CTTNBP2: variants seen among roughly 807,000 people sequenced by gnomAD.
The protein encoded by CTTNBP2 is cortactin-binding protein 2.
CTTNBP2 carries 108 observed loss-of-function variants against 156.9 expected under a neutral mutation model. The observed-to-expected ratio is 0.69, with a 90% CI of 0.59 to 0.81. CTTNBP2 has a LOEUF of 0.81. Ranked by LOEUF, CTTNBP2 falls within the 30% of genes least tolerant of loss-of-function variation. The pLI is 0.00. For missense variants in CTTNBP2, 1,924 were observed against 2,035.4 expected (o/e 0.95, Z 1.05); for synonymous variants, 767 against 751.8 (o/e 1.02, Z -0.33).
chr7:117,846,694 T>C (rs997790229), intron 2 of CTTNBP2, among the ~76,000 whole-genome samples: 5 of 152,184 alleles, frequency 3.3e-5, no homozygotes, highest in African/African-American at 1.2e-4. Context: ...AAAACTGTTA[T>C]AAACTCAACT....
intron 8 of CTTNBP2, among the ~76,000 whole-genome samples, chr7:117,768,192 T>A (rs1465299252): frequency 6.6e-6 from 1 of 152,120 alleles, no homozygotes; most frequent in Non-Finnish European, 1.5e-5. Flanking sequence ...CCTTTTCTTA[T>A]CTTTCTGTAG....
chr7:117,873,267 T>TG lies in CTTNBP2; in HGVS notation c.81+67dup, dbSNP rs988299801. 6.0e-5 allele frequency: 72 copies of TG among 1,200,700 alleles called. No homozygotes were observed. The African/African-American group carries it at 1.1e-3, about 18-fold the overall frequency. The allele number at this position is 1,200,700 out of a possible 1,614,324, so 74.4% of individuals were successfully genotyped here. Reference sequence around the variant, plus strand: ...CCGGGGGTGCGAAGTCGGGTCCGGCTGGGACCCCGGCGCCGCCCCCGGCCC... The same window carrying TG: ...CCGGGGGTGCGAAGTCGGGTCCGGCTGGGGACCCCGGCGCCGCCCCCGGCCC... On this transcript the variant is annotated intron_variant, in intron 1 of 22. Coordinates refer to ENST00000160373, the MANE Select transcript of CTTNBP2 (RefSeq NM_033427.3).
intron 1 of CTTNBP2, chr7:117,871,876 C>CA: frequency 6.3e-5 from 15 of 238,478 alleles, no homozygotes; most frequent in East Asian, 1.0e-3. Flanking sequence ...ACACACACAC[C>CA]CTCTTTCTTT....
At position 117,792,876 on chromosome 7, in the gene CTTNBP2, A is replaced by G. The variant is rs1014342910; in HGVS notation, c.415-95T>C. On this transcript the variant is annotated intron_variant, in intron 3 of 22. Transcript: ENST00000160373. This position sits in a 1 kb window ranked among gnomAD's most constrained non-coding sequence, Gnocchi z 4.2. ...GTGAGATTTTTATTAATTTTCTAAC[A>G]ATTACATAACTCGGGTTAGCAAAAA... 3.3e-6 allele frequency: 3 copies of G among 906,476 alleles called. No homozygotes were observed. The highest frequency in any genetic ancestry group is 3.6e-5 in the Admixed American group (1 of 28,144). 56.2% of individuals were successfully genotyped at this position (906,476 alleles called of 1,614,324 possible). A position where few individuals can be genotyped will look rare whatever the true frequency, so the allele number is the denominator to read the frequency against.
intron 2 of CTTNBP2, among the ~76,000 whole-genome samples, chr7:117,828,346 C>A (rs530380183): frequency 1.3e-5 from 2 of 152,218 alleles, no homozygotes; most frequent in East Asian, 3.9e-4. Flanking sequence ...TGTGTGCCCC[C>A]CAGATGGGTG....
intron 6 of CTTNBP2, among the ~76,000 whole-genome samples, chr7:117,781,513 G>T (rs953723929): frequency 6.6e-6 from 1 of 152,172 alleles, no homozygotes; most frequent in Non-Finnish European, 1.5e-5. Context: ...GGCTGAGGGG[G>T]ACAGATGACG....
intron 2 of CTTNBP2, among the ~76,000 whole-genome samples, chr7:117,821,927 C>A (rs1392999126): frequency 6.6e-6 from 1 of 152,036 alleles, no homozygotes; most frequent in Non-Finnish European, 1.5e-5. Context: ...ATGAGTATTA[C>A]TCTGTAATTT....
chr7:117,787,660 T>C (rs1585004377), intron 4 of CTTNBP2, among the ~76,000 whole-genome samples: 1 of 152,192 alleles, frequency 6.6e-6, no homozygotes, highest in East Asian at 1.9e-4. Context: ...ATTTGGCAAG[T>C]TCAGGAGGAA....
chr7:117,844,883 AAGC>A (rs1697260910), intron 2 of CTTNBP2, among the ~76,000 whole-genome samples: 1 of 152,154 alleles, frequency 6.6e-6, no homozygotes, highest in Admixed American at 6.5e-5. Flanking sequence ...ATGAAACTGA[AAGC>A]AGCTGAGAGT....
At chr7:117,788,199 G>A (rs554531342) in intron 4 of CTTNBP2, among the ~76,000 whole-genome samples, 1 of 152,210 alleles carries the variant, frequency 6.6e-6, no homozygotes, top group South Asian at 2.1e-4. Flanking sequence ...GGTCTTGAAC[G>A]CCTGGGCACA....
intron 20 of CTTNBP2, among the ~76,000 whole-genome samples, chr7:117,720,842 G>A (rs1421320385): frequency 6.6e-6 from 1 of 152,108 alleles, no homozygotes; most frequent in Non-Finnish European, 1.5e-5. Flanking sequence ...AAGCAAAATA[G>A]TCTTCATATT....
At chr7:117,745,964 C>A in intron 13 of CTTNBP2, 34 bp from the exon 14 acceptor site, 2 of 1,610,024 alleles carry the variant, frequency 1.2e-6, no homozygotes. Flanking sequence ...TAGTTCTACG[C>A]ACTTGCCAAT....
intron 8 of CTTNBP2, among the ~76,000 whole-genome samples, chr7:117,773,096 T>C (rs1453506616): frequency 6.6e-6 from 1 of 152,258 alleles, no homozygotes; most frequent in Non-Finnish European, 1.5e-5. Flanking sequence ...CTATTTATCA[T>C]GATAAAAATC....
At chr7:117,851,400 C>T (rs1429564393) in intron 2 of CTTNBP2, among the ~76,000 whole-genome samples, 2 of 152,252 alleles carry the variant, frequency 1.3e-5, no homozygotes, top group East Asian at 3.9e-4. Context: ...CACACACACA[C>T]AACAAATTAC....
chr7:117,816,657 A>T (rs1302345681), intron 2 of CTTNBP2, among the ~76,000 whole-genome samples: 1 of 152,210 alleles, frequency 6.6e-6, no homozygotes, highest in Non-Finnish European at 1.5e-5. Context: ...CTGCTTTTCA[A>T]CAAACAAAAT....
chr7:117,849,257 G>A (rs965691442), intron 2 of CTTNBP2, among the ~76,000 whole-genome samples: 4 of 152,170 alleles, frequency 2.6e-5, no homozygotes, highest in Non-Finnish European at 5.9e-5. Flanking sequence ...ATGAGTGACC[G>A]TCCTTTGGAT....
At position 117,711,453 on chromosome 7, in the gene CTTNBP2, T is replaced by G. The variant is rs1794048133; in HGVS notation, c.*84A>C. 7.1e-7 allele frequency: 1 copy of G among 1,405,162 alleles called. No individual in the cohort carries two copies. Among genetic ancestry groups the G allele is most frequent in the East Asian group, 2.3e-5 (1 of 43,570 alleles). The allele number at this position is 1,405,162 out of a possible 1,614,324, so 87.0% of individuals were successfully genotyped here. A position where few individuals can be genotyped will look rare whatever the true frequency, so the allele number is the denominator to read the frequency against. ...TTTATATTACAGTGAAAACATTTTATCAATTTAAAGGTATTTGTATCTTGT... is the reference window on the plus strand; with the variant it reads ...TTTATATTACAGTGAAAACATTTTAGCAATTTAAAGGTATTTGTATCTTGT... On this transcript the variant is annotated 3_prime_UTR_variant, in exon 23 of 23. Transcript: ENST00000160373.
At chr7:117,849,189 T>TC (rs1220794217) in intron 2 of CTTNBP2, among the ~76,000 whole-genome samples, 1 of 152,190 alleles carries the variant, frequency 6.6e-6, no homozygotes, top group Non-Finnish European at 1.5e-5. Flanking sequence ...TGACACCTAA[T>TC]CAGCATCAGC....
chr7:117,724,877 T>A (rs1562953631), intron 18 of CTTNBP2, 145 bp from the exon 19 acceptor site: 8 of 1,090,724 alleles, frequency 7.3e-6, no homozygotes, highest in Non-Finnish European at 1.0e-5. Context: ...GCACCAACTT[T>A]ACTTGGAGGT....
Sources: gnomAD v4.1 joint callset for allele counts (sites outside exome capture counted in the v4.1 genomes callset) on GRCh38, gnomAD v4.1.1 for gene constraint, Gnocchi (gnomAD v3.1) non-coding constraint, MANE v1.5 for transcripts, NCBI Gene and HGNC (gene_info 2026-07-23, HGNC 2026-07-21) for gene names.